The following CCDC57 variants were observed in gnomAD, a reference collection of about 807,000 sequenced individuals.
CCDC57 encodes coiled-coil domain-containing protein 57.
CCDC57 carries 118 observed loss-of-function variants against 118.9 expected under a neutral mutation model. The observed-to-expected ratio is 0.99, with a 90% CI of 0.86 to 1.16. The LOEUF (loss-of-function observed/expected upper bound fraction) is 1.16. CCDC57 is among the 50% of genes most tolerant of loss of function. The pLI, the probability that CCDC57 is intolerant of heterozygous loss-of-function variation, is 0.00. For synonymous variants in CCDC57, 527 were observed against 532.9 expected, an observed-to-expected ratio of 0.99 and a Z score of 0.15; for missense variants, 1,300 against 1,320.7, an observed-to-expected ratio of 0.98 and a Z score of 0.24.
At chr17:82,145,149 T>C (rs1266627133) in intron 16 of CCDC57, among the ~76,000 whole-genome samples, 2 of 150,634 alleles carry the variant, frequency 1.3e-5, no homozygotes, top group Admixed American at 6.6e-5. Flanking sequence ...GCCGCCCGAG[T>C]AGCTGGGATT....
intron 7 of CCDC57, 92 bp downstream of exon 6, chr17:82,193,664 C>T: frequency 8.6e-7 from 1 of 1,160,802 alleles, no homozygotes; most frequent in Non-Finnish European, 1.3e-6. Flanking sequence ...GTGGGACCCT[C>T]TGCTCCCTGG....
intron 16 of CCDC57, among the ~76,000 whole-genome samples, chr17:82,139,112 C>A (rs2039682664): frequency 6.6e-6 from 1 of 152,244 alleles, no homozygotes; most frequent in African/African-American, 2.4e-5. Flanking sequence ...CTGTAAAAAT[C>A]ATGCTCATCC....
chr17:82,120,295 A>G (rs2036503789), intron 19 of CCDC57, among the ~76,000 whole-genome samples: 1 of 151,868 alleles, frequency 6.6e-6, no homozygotes, highest in South Asian at 2.1e-4. Context: ...TGGCAACATT[A>G]TTACTTTAAA....
intron 19 of CCDC57, among the ~76,000 whole-genome samples, chr17:82,115,504 C>T (rs1013706361): frequency 2.0e-5 from 3 of 152,172 alleles, no homozygotes; most frequent in Non-Finnish European, 4.4e-5. Flanking sequence ...GGCATGGTGG[C>T]TTACGCCTGT....
chr17:82,132,759 C>CTTTTTTTTTTTTTTTTTT lies in CCDC57; in HGVS notation c.2577+1296_2577+1313dup, dbSNP rs71166188. On this transcript the variant is annotated intron_variant, in intron 17 of 19. Coordinates refer to ENST00000665763, the Ensembl canonical transcript of CCDC57. ...TTATCTTTCTGTAGAGACAACCTTGCTTTTTTTTTTTTTTTTTTGAGACGG... is the reference window on the plus strand; with the variant it reads ...TTATCTTTCTGTAGAGACAACCTTGCTTTTTTTTTTTTTTTTTTTTTTTTTTTTTTTTTTTTGAGACGG... Among the ~76,000 whole-genome samples, 3 of 123,948 alleles carry CTTTTTTTTTTTTTTTTTT rather than the reference C, an allele frequency of 2.4e-5. 1 individual carries two copies. Among genetic ancestry groups the CTTTTTTTTTTTTTTTTTT allele is most frequent in the Non-Finnish European group, 3.3e-5 (2 of 59,744 alleles). The allele number at this position is 123,948 out of a possible 152,430, so 81.3% of individuals were successfully genotyped here. A position where few individuals can be genotyped will look rare whatever the true frequency, so the allele number is the denominator to read the frequency against.
chr17:82,191,678 T>C (rs1384197655), intron 7 of CCDC57, among the ~76,000 whole-genome samples: 1 of 152,104 alleles, frequency 6.6e-6, no homozygotes, highest in East Asian at 1.9e-4. Flanking sequence ...TTCTAAGATT[T>C]TTTTTTAAGA....
exon 10 of CCDC57, chr17:82,179,076 A>G: frequency 1.2e-6 from 2 of 1,613,930 alleles, no homozygotes; most frequent in Non-Finnish European, 1.7e-6. Flanking sequence ...TGACTTTTGG[A>G]TCTGGTCCCT....
intron 15 of CCDC57, among the ~76,000 whole-genome samples, chr17:82,152,902 C>T (rs1453789738): frequency 1.3e-5 from 2 of 152,150 alleles, no homozygotes; most frequent in Non-Finnish European, 2.9e-5. Context: ...GCTCGGGGGC[C>T]GCGGGGGATG....
chr17:82,107,565 C>T (rs978072655), intron 19 of CCDC57: 1 of 470,984 alleles, frequency 2.1e-6, no homozygotes, highest in African/African-American at 2.0e-5. Flanking sequence ...TGGCGCTCGG[C>T]ACACTGTGAG....
intron 10 of CCDC57, 67 bp downstream of exon 9, chr17:82,178,960 C>T (rs761339217): frequency 4.2e-4 from 647 of 1,526,282 alleles, no homozygotes; most frequent in Non-Finnish European, 5.4e-4. Context: ...AGAACCAGAC[C>T]CGTCCTGCCC....
At chr17:82,124,684 T>G (rs914628047) in intron 19 of CCDC57, among the ~76,000 whole-genome samples, 1 of 151,854 alleles carries the variant, frequency 6.6e-6, no homozygotes. Flanking sequence ...TGGTCCCAGC[T>G]ACTTGGGAGG....
intron 13 of CCDC57, 70 bp downstream of exon 12, chr17:82,171,631 C>A (rs147099773): frequency 8.6e-6 from 13 of 1,520,036 alleles, no homozygotes; most frequent in African/African-American, 8.3e-5. Flanking sequence ...TTGCTATGAG[C>A]GGACTTTTGC....
Position 82,198,439 on chromosome 17 carries a change from G to A in CCDC57, c.408-17C>T. 1.3e-6 allele frequency: 2 copies of A among 1,505,948 alleles called. No individual in the cohort carries two copies. The highest frequency in any genetic ancestry group is 9.2e-7 in the Non-Finnish European group (1 of 1,087,496). The allele number at this position is 1,505,948 out of a possible 1,614,324, so 93.3% of individuals were successfully genotyped here. On this transcript the variant is annotated splice_polypyrimidine_tract_variant and intron_variant, in intron 3 of 19. Coordinates refer to ENST00000665763, the Ensembl canonical transcript of CCDC57. Reference sequence around the variant, plus strand: ...TTCTTGTCACTATGGTAATAAAACAGCATTAAGAAAAGCCATACCAAATAT... The same window carrying A: ...TTCTTGTCACTATGGTAATAAAACAACATTAAGAAAAGCCATACCAAATAT...
At chr17:82,199,622 T>C (rs535538583) in intron 3 of CCDC57, among the ~76,000 whole-genome samples, 45 of 152,148 alleles carry the variant, frequency 3.0e-4, no homozygotes, top group African/African-American at 1.1e-3. Flanking sequence ...CTGTAAACAC[T>C]CTGGAAAGCA....
At chr17:82,109,230 C>T (rs184862325) in intron 19 of CCDC57, among the ~76,000 whole-genome samples, 20 of 152,272 alleles carry the variant, frequency 1.3e-4, no homozygotes, top group African/African-American at 7.2e-5. Flanking sequence ...CCCAGCGCCC[C>T]GCAGGAGAGC....
intron 17 of CCDC57, among the ~76,000 whole-genome samples, chr17:82,129,277 C>T (rs749678948): frequency 1.3e-5 from 2 of 152,132 alleles, no homozygotes; most frequent in Non-Finnish European, 2.9e-5. Flanking sequence ...CTGATGTCTC[C>T]CCCCTTCTGG....
At chr17:82,108,528 AG>A (rs2035022031) in intron 19 of CCDC57, among the ~76,000 whole-genome samples, 1 of 152,226 alleles carries the variant, frequency 6.6e-6, no homozygotes. Flanking sequence ...TGAGTTTTAA[AG>A]GGAAATACAC....
chr17:82,127,995 G>A (rs1427882251), intron 18 of CCDC57, 87 bp from the exon 18 acceptor site: 2 of 1,529,270 alleles, frequency 1.3e-6, no homozygotes, highest in East Asian at 4.7e-5. Flanking sequence ...CCTCGGAGCA[G>A]TAAGGCGACA....
chr17:82,167,493 G>T (rs1461863795), intron 13 of CCDC57, among the ~76,000 whole-genome samples: 2 of 152,056 alleles, frequency 1.3e-5, no homozygotes, highest in African/African-American at 2.4e-5. Context: ...TGGGATCACA[G>T]GTGTCCACCA....
Sources: allele counts gnomAD v4.1 joint callset (sites outside exome capture counted in the v4.1 genomes callset), GRCh38; gene constraint gnomAD v4.1.1; transcripts MANE v1.5; gene names NCBI Gene and HGNC (gene_info 2026-07-23, HGNC 2026-07-21).